The following NDRG3 variants were observed in gnomAD, a reference collection of about 807,000 sequenced individuals.
The protein encoded by NDRG3 is NDRG family member 3, also known as protein NDRG3.
A neutral mutation model predicts 57.2 loss-of-function variants in NDRG3; 23 were observed. That is an observed-to-expected ratio of 0.40 (90% CI 0.29 to 0.57). The LOEUF (loss-of-function observed/expected upper bound fraction) is 0.57, where lower values mean the gene tolerates loss of function less well. Ranked by LOEUF, NDRG3 falls within the 20% of genes least tolerant of loss-of-function variation. The probability of loss-of-function intolerance (pLI) is 0.42; values close to 1 mark genes in which losing one functional copy is unlikely to be tolerated. For missense variants in NDRG3, 384 were observed against 457.3 expected (o/e 0.84, Z 1.46); for synonymous variants, 132 against 162.6 (o/e 0.81, Z 1.43).
intron 3 of NDRG3, among the ~76,000 whole-genome samples, chr20:36,705,120 G>C (rs546588636): frequency 1.3e-5 from 2 of 151,908 alleles, no homozygotes; most frequent in African/African-American, 4.8e-5. Context: ...AGGGGTTCGA[G>C]ACCATCCTGA....
chr20:36,664,944 C>A, intron 12 of NDRG3, 102 bp downstream of exon 12: 1 of 1,184,138 alleles, frequency 8.4e-7, no homozygotes, highest in South Asian at 1.2e-5. Flanking sequence ...CTGCCTCAGC[C>A]TCTCAAAGTG....
intron 3 of NDRG3, among the ~76,000 whole-genome samples, chr20:36,689,733 T>G (rs1011306929): frequency 1.1e-4 from 16 of 150,486 alleles, no homozygotes; most frequent in South Asian, 8.5e-4. Flanking sequence ...TTTTTTTTTT[T>G]TTTTTGAGAC....
intron 3 of NDRG3, chr20:36,700,579 C>T (rs1212184823): frequency 1.0e-5 from 5 of 476,982 alleles, no homozygotes; most frequent in Non-Finnish European, 2.1e-5. Flanking sequence ...CGTGCTGTTG[C>T]TACCTTTTTG....
intron 1 of NDRG3, among the ~76,000 whole-genome samples, chr20:36,738,152 G>GT (rs1382206272): frequency 3.0e-4 from 45 of 152,124 alleles, no homozygotes; most frequent in South Asian, 1.9e-3. Context: ...ACCTACCTGG[G>GT]GGTATTGGAA....
intron 3 of NDRG3, among the ~76,000 whole-genome samples, chr20:36,699,741 G>A (rs1256622315): frequency 6.6e-6 from 1 of 151,966 alleles, no homozygotes; most frequent in Non-Finnish European, 1.5e-5. Flanking sequence ...GGATGGGGAT[G>A]AGACAGTGAG....
At chr20:36,702,117 A>G (rs1246063941) in intron 3 of NDRG3, among the ~76,000 whole-genome samples, 1 of 152,044 alleles carries the variant, frequency 6.6e-6, no homozygotes, top group Non-Finnish European at 1.5e-5. Flanking sequence ...TTATATTTGC[A>G]TGACAACATA....
chr20:36,731,060 G>C (rs1011660729), intron 1 of NDRG3, among the ~76,000 whole-genome samples: 1 of 152,144 alleles, frequency 6.6e-6, no homozygotes, highest in African/African-American at 2.4e-5. Flanking sequence ...AAATTAGTGA[G>C]CTGAGAAAAA....
chr20:36,689,021 C>T (rs1982037323), intron 3 of NDRG3, among the ~76,000 whole-genome samples: 1 of 151,872 alleles, frequency 6.6e-6, no homozygotes, highest in African/African-American at 2.4e-5. Flanking sequence ...ATGATGAAAC[C>T]CTGTCTTTAC....
chr20:36,658,810 C>G (rs1978903652), intron 13 of NDRG3, among the ~76,000 whole-genome samples: 1 of 152,154 alleles, frequency 6.6e-6, no homozygotes, highest in Non-Finnish European at 1.5e-5. Context: ...AAGAGTTGGT[C>G]TGTATTTGCC....
chr20:36,739,803 G>A (rs751108494), intron 1 of NDRG3, among the ~76,000 whole-genome samples: 9 of 151,422 alleles, frequency 5.9e-5, no homozygotes, highest in African/African-American at 9.7e-5. Context: ...CCAGCTACTC[G>A]GGAGGCTGAG....
At chr20:36,689,259 T>C (rs971284343) in intron 3 of NDRG3, among the ~76,000 whole-genome samples, 1 of 152,140 alleles carries the variant, frequency 6.6e-6, no homozygotes, top group Non-Finnish European at 1.5e-5. Context: ...ATATTCCTAC[T>C]TTCCAATTCT....
chr20:36,667,749 C>T (rs1358698265), intron 9 of NDRG3, among the ~76,000 whole-genome samples: 3 of 152,032 alleles, frequency 2.0e-5, no homozygotes, highest in African/African-American at 7.2e-5. Context: ...TAAAGTTCAC[C>T]ACCAAGACTT....
At chr20:36,739,770 TGCGGTG>T (rs1911923517) in intron 1 of NDRG3, among the ~76,000 whole-genome samples, 1 of 151,556 alleles carries the variant, frequency 6.6e-6, no homozygotes, top group African/African-American at 2.4e-5. Flanking sequence ...ATTAGCCGGG[TGCGGTG>T]GCGGGCGCCT....
intron 2 of NDRG3, among the ~76,000 whole-genome samples, chr20:36,709,634 T>C (rs1353709765): frequency 6.6e-6 from 1 of 152,214 alleles, no homozygotes; most frequent in East Asian, 1.9e-4. Context: ...CTAAGAAATG[T>C]CTGAGGACTT....
rs547176465 is a variant in NDRG3, at chr20:36,675,574, C to CG, written c.532-4178dup. Reference sequence around the variant, plus strand: ...GCACATTTTGTATTTTTAGTAGAGACGGGGTTTCTCCATGTTGGTCAGGCT... The same window carrying CG: ...GCACATTTTGTATTTTTAGTAGAGACGGGGGTTTCTCCATGTTGGTCAGGCT... On this transcript the variant is annotated intron_variant, in intron 8 of 15. Coordinates refer to ENST00000349004, the MANE Select transcript of NDRG3 (RefSeq NM_032013.4). 4.3e-3 allele frequency among the ~76,000 whole-genome samples: 660 copies of CG among 151,804 alleles called. 7 individuals are homozygous for CG. Among genetic ancestry groups the CG allele is most frequent in the African/African-American group, 0.015 (626 of 41,298 alleles).
chr20:36,702,940 TC>T (rs1983331300), intron 3 of NDRG3, among the ~76,000 whole-genome samples: 1 of 152,102 alleles, frequency 6.6e-6, no homozygotes, highest in Non-Finnish European at 1.5e-5. Flanking sequence ...CACCTCAGCC[TC>T]CCAAAGTGCT....
At chr20:36,680,938 A>G (rs1158071981) in intron 7 of NDRG3, 36 bp from the exon 8 acceptor site, 37 of 1,538,994 alleles carry the variant, frequency 2.4e-5, no homozygotes, top group Non-Finnish European at 3.3e-5. Context: ...TATGAAAGCT[A>G]CACTCCCACA....
rs368938530 is a variant in NDRG3 at position 36,680,789 on chromosome 20, C to T, written c.531+27G>A. On this transcript the variant is annotated intron_variant, in intron 8 of 15. Coordinates refer to ENST00000349004, the MANE Select transcript of NDRG3 (RefSeq NM_032013.4). ...TGTTTTGAGATGGGCCAAGATAAGCCGATGGACACCTTCATGTGGTACTTA... is the reference window on the plus strand; with the variant it reads ...TGTTTTGAGATGGGCCAAGATAAGCTGATGGACACCTTCATGTGGTACTTA... The T allele has an allele frequency of 6.1e-5, 98 of 1,595,294 alleles. No individual in the cohort carries two copies. In the African/African-American group the frequency reaches 9.5e-4, roughly 16 times the overall value.
chr20:36,701,544 CTTTTTTTTTT>C (rs897071523), intron 3 of NDRG3, among the ~76,000 whole-genome samples: 55 of 124,276 alleles, frequency 4.4e-4, no homozygotes, highest in African/African-American at 1.6e-3. Flanking sequence ...GACCCTGTAT[CTTTTTTTTTT>C]TTTTTTTTTT....
Sources: allele counts gnomAD v4.1 joint callset (sites outside exome capture counted in the v4.1 genomes callset), GRCh38; gene constraint gnomAD v4.1.1; transcripts MANE v1.5; gene names NCBI Gene and HGNC (gene_info 2026-07-23, HGNC 2026-07-21).